Variants in RIPOR2 observed in about 807,000 individuals in gnomAD.
RIPOR2 encodes rho family-interacting cell polarization regulator 2.
In RIPOR2, 39 loss-of-function variants were observed where a neutral mutation model predicts 114.5. The observed-to-expected ratio is 0.34, with a 90% CI of 0.26 to 0.44. RIPOR2 has a LOEUF of 0.44. Ranked by LOEUF, RIPOR2 falls within the 20% of genes least tolerant of loss-of-function variation. The pLI is 1.00. For synonymous variants in RIPOR2, 445 were observed against 484.4 expected (o/e 0.92, Z 1.07); for missense variants, 1,007 against 1,255.1 (o/e 0.80, Z 2.99).
chr6:24,936,046 T>C (rs1771785915), upstream of RIPOR2: 2 of 611,226 alleles, frequency 3.3e-6, no homozygotes, highest in African/African-American at 3.7e-5. Context: ...AGCAGTTTCA[T>C]TCATATGAAT....
At chr6:24,880,461 G>A (rs1766236504) in intron 1 of RIPOR2, among the ~76,000 whole-genome samples, 1 of 152,146 alleles carries the variant, frequency 6.6e-6, no homozygotes, top group African/African-American at 2.4e-5. Context: ...GTGGGATTGA[G>A]TGGTAGTCAG....
At chr6:24,900,644 G>C (rs1768350395) in intron 1 of RIPOR2, among the ~76,000 whole-genome samples, 1 of 152,090 alleles carries the variant, frequency 6.6e-6, no homozygotes, top group African/African-American at 2.4e-5. Flanking sequence ...TGTGGTCCCA[G>C]CTACTCAGGA....
intron 1 of RIPOR2, among the ~76,000 whole-genome samples, chr6:24,903,416 G>A (rs1021233594): frequency 6.6e-6 from 1 of 151,970 alleles, no homozygotes; most frequent in Non-Finnish European, 1.5e-5. Flanking sequence ...GATCATGCGG[G>A]GTGGGAGTTA....
At chr6:24,886,455 C>A (rs1331140919) in intron 1 of RIPOR2, among the ~76,000 whole-genome samples, 1 of 152,188 alleles carries the variant, frequency 6.6e-6, no homozygotes, top group African/African-American at 2.4e-5. Flanking sequence ...ATTCCAGGAG[C>A]CAAACCAGGA....
intron 1 of RIPOR2, among the ~76,000 whole-genome samples, chr6:25,016,606 T>C (rs1344399095): frequency 1.3e-5 from 2 of 152,208 alleles, no homozygotes; most frequent in African/African-American, 4.8e-5. Context: ...TCTGGGAACA[T>C]TAAGTAACTA....
chr6:24,833,498 CA>C (rs145511348), intron 15 of RIPOR2, among the ~76,000 whole-genome samples: 2,540 of 149,986 alleles, frequency 0.017, 36 homozygotes, highest in South Asian at 0.026. Flanking sequence ...GAGATTGTCT[CA>C]AAAAAAACAA....
Position 24,830,639 on chromosome 6 carries a change from CAA to C in RIPOR2, c.2374_2375del (p.Leu792AlafsTer57). 6.4e-7 allele frequency: 1 copy of C among 1,551,360 alleles called. No individual in the cohort carries two copies. Among genetic ancestry groups the C allele is most frequent in the South Asian group, 1.2e-5 (1 of 84,044 alleles). ...AIPEFHKKLS[L>X]LSFWTKCCSP... ...TGCAGCACTTGGTCCAGAATGACAG[CAA>C]AGACAGCTTTTTGTGAAATTCTGGT... On this transcript the variant is annotated frameshift_variant, in exon 17 of 22. Coordinates refer to ENST00000643898, the MANE Select transcript of RIPOR2 (RefSeq NM_001286445.3). LOFTEE classifies it high-confidence loss of function.
At chr6:24,969,937 A>G (rs368150638) in intron 1 of RIPOR2, among the ~76,000 whole-genome samples, 52 of 152,312 alleles carry the variant, frequency 3.4e-4, no homozygotes, top group Admixed American at 5.2e-4. Flanking sequence ...CTGTCTCCCC[A>G]GTGCCTAGAA....
chr6:24,922,485 A>G (rs866285452), intron 1 of RIPOR2, among the ~76,000 whole-genome samples: 18 of 152,274 alleles, frequency 1.2e-4, no homozygotes, highest in Middle Eastern at 3.4e-3. Flanking sequence ...AAGAAAAAGC[A>G]ACTGCTCTGT....
chr6:24,836,786 T>G (rs1462175125), intron 14 of RIPOR2, among the ~76,000 whole-genome samples: 1 of 151,558 alleles, frequency 6.6e-6, no homozygotes, highest in Admixed American at 6.6e-5. Context: ...AGTCCACACA[T>G]AGCAGCCAAT....
In RIPOR2 at chr6:24,805,436, T is replaced by C. The variant is rs1780713750; in HGVS notation, c.*937A>G. 1 of 151,672 alleles carries C rather than the reference T, an allele frequency of 6.6e-6. No homozygotes were observed. The highest frequency in any genetic ancestry group is 1.5e-5 in the Non-Finnish European group (1 of 67,920). 9.4% of individuals were successfully genotyped at this position (151,672 alleles called of 1,614,324 possible). On this transcript the variant is annotated 3_prime_UTR_variant, in exon 22 of 22. Coordinates refer to ENST00000643898, the MANE Select transcript of RIPOR2 (RefSeq NM_001286445.3). Reference sequence around the variant, plus strand: ...GACTGGCTCTCATTCCTCTGTCACATGGGCTGGAGTGCAGTAGTGTAATCT... The same window carrying C: ...GACTGGCTCTCATTCCTCTGTCACACGGGCTGGAGTGCAGTAGTGTAATCT...
chr6:24,889,243 G>A (rs1297172664), intron 1 of RIPOR2, among the ~76,000 whole-genome samples: 1 of 152,142 alleles, frequency 6.6e-6, no homozygotes, highest in Admixed American at 6.5e-5. Context: ...AAGGCAGTGA[G>A]AGCTCATCCA....
intron 1 of RIPOR2, among the ~76,000 whole-genome samples, chr6:24,892,454 C>A (rs947864911): frequency 6.6e-6 from 1 of 152,214 alleles, no homozygotes; most frequent in Non-Finnish European, 1.5e-5. Flanking sequence ...CTGGGTCACA[C>A]AAGAACTGTT....
intron 1 of RIPOR2, among the ~76,000 whole-genome samples, chr6:24,894,188 A>G (rs1767632144): frequency 1.3e-5 from 2 of 152,214 alleles, no homozygotes; most frequent in Non-Finnish European, 1.5e-5. Context: ...TTGATTGACG[A>G]AGGTGATTCA....
chr6:25,031,739 AT>A (rs1561855862), intron 1 of RIPOR2, among the ~76,000 whole-genome samples: 1,222 of 98,800 alleles, frequency 0.012, 42 homozygotes, highest in South Asian at 0.019. Context: ...ATATATATAT[AT>A]ATATATATAT....
intron 1 of RIPOR2, chr6:25,015,768 G>A (rs968250957): frequency 6.6e-6 from 1 of 151,788 alleles, no homozygotes; most frequent in African/African-American, 2.4e-5. Context: ...ATATTGTAGA[G>A]GGAGGTGGAG....
intron 1 of RIPOR2, among the ~76,000 whole-genome samples, chr6:24,947,056 G>A (rs1036653652): frequency 2.9e-4 from 44 of 150,378 alleles, no homozygotes; most frequent in Admixed American, 2.6e-3. Flanking sequence ...AAGAGAAAAC[G>A]TGAAGGAGGA....
chr6:24,804,834 C>G lies in RIPOR2; in HGVS notation c.*1539G>C, dbSNP rs1304644755. 1.3e-5 allele frequency: 2 copies of G among 152,174 alleles called. No individual in the cohort carries two copies. Among genetic ancestry groups the G allele is most frequent in the East Asian group, 1.9e-4 (1 of 5,192 alleles). The allele number at this position is 152,174 out of a possible 1,614,324, so 9.4% of individuals were successfully genotyped here. The stretch of plus-strand genomic sequence containing the variant: ...TATATTGTTTTGATACCTTGGCATA[C>G]CCCACCTTGTACACTCTTTAGAGGA... On this transcript the variant is annotated 3_prime_UTR_variant, in exon 22 of 22. Coordinates refer to ENST00000643898, the MANE Select transcript of RIPOR2 (RefSeq NM_001286445.3).
chr6:24,882,900 C>T (rs1044486387), intron 1 of RIPOR2, among the ~76,000 whole-genome samples: 9 of 152,042 alleles, frequency 5.9e-5, no homozygotes, highest in Non-Finnish European at 8.8e-5. Flanking sequence ...CTAATGAGTC[C>T]GCATTACATG....
Sources: allele counts gnomAD v4.1 joint callset (sites outside exome capture counted in the v4.1 genomes callset), GRCh38; gene constraint gnomAD v4.1.1; transcripts MANE v1.5; gene names NCBI Gene and HGNC (gene_info 2026-07-23, HGNC 2026-07-21).